The following NAALADL2 variants were observed in gnomAD, a reference collection of about 807,000 sequenced individuals.
NAALADL2 encodes the protein N-acetylated alpha-linked acidic dipeptidase like 2, also known as inactive N-acetylated-alpha-linked acidic dipeptidase-like protein 2.
NAALADL2 carries 76 observed loss-of-function variants against 87.2 expected under a neutral mutation model. The observed-to-expected ratio is 0.87, with a 90% CI of 0.72 to 1.05. NAALADL2 has a LOEUF of 1.05. NAALADL2 is among the 50% of genes least tolerant of loss of function. The pLI, the probability that NAALADL2 is intolerant of heterozygous loss-of-function variation, is 0.00. For missense variants in NAALADL2, 1,089 were observed against 945.8 expected (o/e 1.15, Z -1.99); for synonymous variants, 354 against 331.0 (o/e 1.07, Z -0.75).
At chr3:175,069,713 A>G (rs1437444845) in intron 1 of NAALADL2, among the ~76,000 whole-genome samples, 1 of 151,716 alleles carries the variant, frequency 6.6e-6, no homozygotes, top group Non-Finnish European at 1.5e-5. Flanking sequence ...ACATGCACAC[A>G]TATGTTTATT....
At chr3:175,649,113 T>C (rs1730404508) in intron 11 of NAALADL2, among the ~76,000 whole-genome samples, 1 of 152,178 alleles carries the variant, frequency 6.6e-6, no homozygotes, top group Non-Finnish European at 1.5e-5. Flanking sequence ...ATCCTGCAGA[T>C]GGACCACAAC....
intron 2 of NAALADL2, among the ~76,000 whole-genome samples, chr3:174,618,176 A>C (rs1286013471): frequency 5.9e-5 from 9 of 151,790 alleles, no homozygotes; most frequent in African/African-American, 1.2e-4. Flanking sequence ...GGGTATATAC[A>C]AAATGATAAC....
At chr3:175,669,932 T>A (rs1376478001) in intron 11 of NAALADL2, among the ~76,000 whole-genome samples, 1 of 151,984 alleles carries the variant, frequency 6.6e-6, no homozygotes, top group Non-Finnish European at 1.5e-5. Flanking sequence ...TTAGACATAG[T>A]CTGTTATTTA....
At chr3:174,562,189 T>G (rs1053531857) in intron 2 of NAALADL2, among the ~76,000 whole-genome samples, 3 of 152,208 alleles carry the variant, frequency 2.0e-5, no homozygotes, top group Non-Finnish European at 4.4e-5. Context: ...ATTTATAATT[T>G]TCTACTTAAC....
chr3:174,706,407 C>G (rs907475664), intron 2 of NAALADL2, among the ~76,000 whole-genome samples: 2 of 152,024 alleles, frequency 1.3e-5, no homozygotes, highest in African/African-American at 4.8e-5. Flanking sequence ...CAGTGGTTTC[C>G]TAAATTTGAT....
At chr3:175,160,324 T>A (rs1732961953) in intron 2 of NAALADL2, among the ~76,000 whole-genome samples, 1 of 150,116 alleles carries the variant, frequency 6.7e-6, no homozygotes, top group African/African-American at 2.4e-5. Flanking sequence ...ATAAGTAAAA[T>A]TTTAAAAATA....
chr3:174,576,866 A>G (rs1333843338), intron 2 of NAALADL2, among the ~76,000 whole-genome samples: 3 of 152,192 alleles, frequency 2.0e-5, no homozygotes, highest in Non-Finnish European at 4.4e-5. Context: ...GCATTCTGCA[A>G]TGTGATAGAG....
intron 1 of NAALADL2, among the ~76,000 whole-genome samples, chr3:174,451,707 A>T (rs1037707752): frequency 6.6e-6 from 1 of 152,206 alleles, no homozygotes; most frequent in African/African-American, 2.4e-5. Context: ...TTTTGGAGGT[A>T]GTGAAAAAGA....
chr3:175,083,497 T>G (rs190636546), intron 1 of NAALADL2, among the ~76,000 whole-genome samples: 1 of 152,316 alleles, frequency 6.6e-6, no homozygotes. Context: ...ATGATTTCAT[T>G]TAGTTTTCAC....
chr3:174,860,472 T>C (rs1033587714), intron 1 of NAALADL2, among the ~76,000 whole-genome samples: 1 of 152,202 alleles, frequency 6.6e-6, no homozygotes, highest in Admixed American at 6.5e-5. Flanking sequence ...ATAATGAGAA[T>C]CATTTATTTC....
chr3:174,454,207 A>T (rs965942519), intron 1 of NAALADL2, among the ~76,000 whole-genome samples: 2 of 152,178 alleles, frequency 1.3e-5, no homozygotes, highest in African/African-American at 4.8e-5. Flanking sequence ...TCCTAAATAT[A>T]TATGCACTCA....
chr3:175,341,776 A>G (rs1762590543), intron 5 of NAALADL2, among the ~76,000 whole-genome samples: 1 of 152,088 alleles, frequency 6.6e-6, no homozygotes, highest in Non-Finnish European at 1.5e-5. Flanking sequence ...AGACATTTAC[A>G]CCTATGTTTC....
intron 11 of NAALADL2, among the ~76,000 whole-genome samples, chr3:175,649,428 G>C (rs1730445617): frequency 6.8e-6 from 1 of 147,500 alleles, no homozygotes; most frequent in East Asian, 2.0e-4. Context: ...AAAAAAAATT[G>C]TTGGCATGTG....
chr3:174,725,082 T>A (rs1382756277), intron 2 of NAALADL2, among the ~76,000 whole-genome samples: 1 of 152,164 alleles, frequency 6.6e-6, no homozygotes, highest in Non-Finnish European at 1.5e-5. Flanking sequence ...CTAATATGTT[T>A]CCTCACCCCC....
At chr3:175,707,665 T>C (rs180671614) in intron 11 of NAALADL2, among the ~76,000 whole-genome samples, 1 of 152,220 alleles carries the variant, frequency 6.6e-6, no homozygotes, top group East Asian at 1.9e-4. Flanking sequence ...GAAATACGTT[T>C]ATAGAGATAT....
chr3:174,873,201 C>CTG (rs758453386), intron 1 of NAALADL2, among the ~76,000 whole-genome samples: 1 of 145,340 alleles, frequency 6.9e-6, no homozygotes. Context: ...CTCTGTCTGT[C>CTG]TCTCTCTCTC....
At chr3:174,941,247 C>G (rs572115857) in intron 1 of NAALADL2, among the ~76,000 whole-genome samples, 1 of 151,862 alleles carries the variant, frequency 6.6e-6, no homozygotes, top group South Asian at 2.1e-4. Context: ...TCTGCCTTAA[C>G]TTTATTTACC....
intron 9 of NAALADL2, among the ~76,000 whole-genome samples, chr3:175,490,178 T>C (rs1182414683): frequency 6.6e-6 from 1 of 152,146 alleles, no homozygotes; most frequent in African/African-American, 2.4e-5. Context: ...TTGAGAGTGC[T>C]GGGAAAGATA....
At chr3:175,729,729 T>C (rs1303538734) in intron 11 of NAALADL2, among the ~76,000 whole-genome samples, 1 of 152,110 alleles carries the variant, frequency 6.6e-6, no homozygotes, top group Non-Finnish European at 1.5e-5. Flanking sequence ...AAATCACTCA[T>C]TGCACAATTA....
Sources: gnomAD v4.1 joint callset for allele counts (sites outside exome capture counted in the v4.1 genomes callset) on GRCh38, gnomAD v4.1.1 for gene constraint, MANE v1.5 for transcripts, NCBI Gene and HGNC (gene_info 2026-07-23, HGNC 2026-07-21) for gene names.